OR1A1: variants seen among roughly 807,000 people sequenced by gnomAD.
The protein encoded by OR1A1 is olfactory receptor 1A1.
For synonymous variants in OR1A1, 145 were observed against 147.8 expected (o/e 0.98, Z 0.13); for missense variants, 391 against 379.9 (o/e 1.03, Z -0.24).
Position 3,216,601 on chromosome 17 carries a change from G to T in OR1A1, c.*51G>T, listed in dbSNP as rs1472561010. On this transcript the variant is annotated 3_prime_UTR_variant, in exon 4 of 4. Coordinates refer to ENST00000641732, the MANE Select transcript of OR1A1 (RefSeq NM_014565.3). ...CCGTAGTCACCAGTTACGGTATATTGGAAATCCAGTTCTGATGTCATCCTC... is the reference window on the plus strand; with the variant it reads ...CCGTAGTCACCAGTTACGGTATATTTGAAATCCAGTTCTGATGTCATCCTC... The T allele has an allele frequency of 7.1e-7, 1 of 1,405,220 alleles. No homozygotes were observed. The highest frequency in any genetic ancestry group is 9.7e-7 in the Non-Finnish European group (1 of 1,026,024). 87.0% of individuals were successfully genotyped at this position (1,405,220 alleles called of 1,614,324 possible).
chr17:3,218,046 C>G lies in OR1A1; in HGVS notation c.*1496C>G, dbSNP rs1263505965. Reference sequence around the variant, plus strand: ...TATCCATCTGACAAAGGGCTAATATCTAGAATCTACAAAGAACTTAAATTT... The same window carrying G: ...TATCCATCTGACAAAGGGCTAATATGTAGAATCTACAAAGAACTTAAATTT... On this transcript the variant is annotated 3_prime_UTR_variant, in exon 4 of 4. Coordinates refer to ENST00000641732, the MANE Select transcript of OR1A1 (RefSeq NM_014565.3). 1 of 151,936 alleles carries G rather than the reference C, an allele frequency of 6.6e-6. No individual in the cohort carries two copies. The highest frequency in any genetic ancestry group is 1.5e-5 in the Non-Finnish European group (1 of 68,018). The allele number at this position is 151,936 out of a possible 1,614,324, so 9.4% of individuals were successfully genotyped here. A position where few individuals can be genotyped will look rare whatever the true frequency, so the allele number is the denominator to read the frequency against.
rs962554298 is a variant in OR1A1 at position 3,216,228 on chromosome 17, T to C, written c.608T>C (p.Val203Ala). 6.2e-7 allele frequency: 1 copy of C among 1,614,046 alleles called. No individual in the cohort carries two copies. The highest frequency in any genetic ancestry group is 1.3e-5 in the African/African-American group (1 of 74,910). Reference sequence around the variant, plus strand: ...CATGTGAAGATGATGTACCTAGGGGTTGGCATTTTCTCTGTGCCATTACTA... The same window carrying C: ...CATGTGAAGATGATGTACCTAGGGGCTGGCATTTTCTCTGTGCCATTACTA... ...HFHVKMMYLG[V>A]GIFSVPLLCI... The change falls in exon 4 of 4, where the codon GTT becomes GCT. Residue 203 changes from valine to alanine, a missense_variant. Physicochemically the swap from Val to Ala is moderately conservative, Grantham distance 64. Transcript: ENST00000641732.
chr17:3,210,142 C>T (rs1465936791), intron 2 of OR1A1, among the ~76,000 whole-genome samples: 2 of 143,336 alleles, frequency 1.4e-5, no homozygotes, highest in South Asian at 2.3e-4. Context: ...CACATGTGCC[C>T]GTCTTCTTTT....
intron 3 of OR1A1, chr17:3,214,299 GACC>G (rs1055104321): frequency 6.6e-6 from 1 of 152,098 alleles, no homozygotes; most frequent in Non-Finnish European, 1.5e-5. Flanking sequence ...AGGAGTTTGA[GACC>G]AGCCTGGCCA....
intron 3 of OR1A1, chr17:3,214,487 C>A (rs542706435): frequency 6.7e-6 from 1 of 148,854 alleles, no homozygotes; most frequent in Non-Finnish European, 1.5e-5. Flanking sequence ...CACACCACTG[C>A]ACTCCAGCCT....
chr17:3,216,451 G>A lies in OR1A1; in HGVS notation c.831G>A (p.Thr277=), dbSNP rs144381897. 6,696 of 1,613,930 alleles carry A rather than the reference G, an allele frequency of 4.1e-3. 20 individuals are homozygous for A. Among genetic ancestry groups the A allele is most frequent in the Non-Finnish European group, 5.3e-3 (6,237 of 1,179,822 alleles). Residue 277 remains threonine, a synonymous_variant, in exon 4 of 4, where the codon ACG becomes ACA. Transcript: ENST00000641732. ...LKDAVITVMY[T]AVTPMLNPFI... The stretch of plus-strand genomic sequence containing the variant: ...ACGCAGTGATCACTGTAATGTACAC[G>A]GCAGTGACCCCAATGTTAAATCCTT...
chr17:3,215,848 A>G lies in OR1A1; in HGVS notation c.228A>G (p.Val76=). The G allele has an allele frequency of 1.9e-6, 3 of 1,614,148 alleles. No individual in the cohort carries two copies. In the African/African-American group the frequency reaches 4.0e-5, roughly 22 times the overall value. ...TGGTTGACATCTTCTTCTCATCGGTAACCATCCCTAAGATGCTGGCCAACC... is the reference window on the plus strand; with the variant it reads ...TGGTTGACATCTTCTTCTCATCGGTGACCATCCCTAAGATGCTGGCCAACC... ...LSLVDIFFSS[V]TIPKMLANHL... The change falls in exon 4 of 4, where the codon GTA becomes GTG. Residue 76 remains valine, a synonymous_variant. Transcript: ENST00000641732.
At chr17:3,209,093 G>A (rs1019601151) in intron 2 of OR1A1, 95 bp downstream of exon 2, 17 of 152,270 alleles carry the variant, frequency 1.1e-4, no homozygotes, top group African/African-American at 4.1e-4. Flanking sequence ...ACATGAGTAA[G>A]TTCTTTAGTG....
intron 3 of OR1A1, chr17:3,214,335 A>T (rs949873415): frequency 6.8e-6 from 1 of 146,180 alleles, no homozygotes; most frequent in African/African-American, 2.5e-5. Context: ...CTCCATCTCT[A>T]CTAAAAATAC....
Position 3,216,256 on chromosome 17 carries a change from C to T in OR1A1, c.636C>T (p.Cys212=). 1 of 1,614,202 alleles carries T rather than the reference C, an allele frequency of 6.2e-7. No homozygotes were observed. The highest frequency in any genetic ancestry group is 1.1e-5 in the South Asian group (1 of 91,074). Residue 212 remains cysteine (C), a synonymous_variant, in exon 4 of 4, where the codon TGC becomes TGT. Transcript: ENST00000641732. ...GVGIFSVPLL[C]IIVSYIRVFS... is the part of the protein sequence containing the mutation. The stretch of plus-strand genomic sequence containing the variant: ...GCATTTTCTCTGTGCCATTACTATG[C>T]ATCATTGTCTCCTATATTCGAGTCT...
intron 3 of OR1A1, chr17:3,213,410 C>G (rs899840401): frequency 2.0e-5 from 3 of 152,150 alleles, no homozygotes; most frequent in Non-Finnish European, 4.4e-5. Flanking sequence ...TCCCTCATAC[C>G]TAGCACATGA....
Position 3,216,322 on chromosome 17 carries a change from C to T in OR1A1, c.702C>T (p.Leu234=). The stretch of plus-strand genomic sequence containing the variant: ...AGGTTCCTTCCACCAAGGGCGTGCT[C>T]AAGGCCTTCTCCACCTGTGGTTCCC... ...VFQVPSTKGV[L]KAFSTCGSHL... The change falls in exon 4 of 4, where the codon CTC becomes CTT. Residue 234 remains leucine (L), a synonymous_variant. Coordinates refer to ENST00000641732, the MANE Select transcript of OR1A1 (RefSeq NM_014565.3). 1 of 1,614,198 alleles carries T rather than the reference C, an allele frequency of 6.2e-7. No homozygotes were observed. Among genetic ancestry groups the T allele is most frequent in the Non-Finnish European group, 8.5e-7 (1 of 1,180,026 alleles).
chr17:3,208,895 C>T lies in OR1A1; in HGVS notation c.-242C>T, dbSNP rs1465940561. The T allele has an allele frequency of 2.0e-5, 3 of 152,186 alleles. No individual in the cohort carries two copies. The highest frequency in any genetic ancestry group is 2.9e-5 in the Non-Finnish European group (2 of 68,044). The allele number at this position is 152,186 out of a possible 1,614,324, so 9.4% of individuals were successfully genotyped here. On this transcript the variant is annotated 5_prime_UTR_variant, in exon 2 of 4. Transcript: ENST00000641732. The stretch of plus-strand genomic sequence containing the variant: ...TCTCCTACCTTAAATGAAACATGAA[C>T]TTGAGCCACCCAGCTCCATCGCTGT...
chr17:3,211,315 C>G (rs1280654172), intron 2 of OR1A1, among the ~76,000 whole-genome samples: 9 of 149,636 alleles, frequency 6.0e-5, no homozygotes, highest in Non-Finnish European at 1.3e-4. Flanking sequence ...ATTGTCTTAT[C>G]TCTCCTCTTT....
Position 3,216,122 on chromosome 17 carries a change from T to C in OR1A1, c.502T>C (p.Phe168Leu). The C allele has an allele frequency of 6.2e-7, 1 of 1,614,216 alleles. No individual in the cohort carries two copies. ...CACTCTGCTCACAGCTAGTCTGTCC[T>C]TCTGTGGCAACCAGGAAGTGGCCAA... ...PHTLLTASLS[F>L]CGNQEVANFY... The change falls in exon 4 of 4, where the codon TTC (phenylalanine) becomes CTC (leucine). Residue 168 changes from phenylalanine to leucine, a missense_variant. Physicochemically the swap from Phe to Leu is conservative, Grantham distance 22. Transcript: ENST00000641732.
chr17:3,208,111 C>T (rs541990523), intron 1 of OR1A1, 111 bp downstream of exon 1: 1 of 152,084 alleles, frequency 6.6e-6, no homozygotes, highest in South Asian at 2.1e-4. Flanking sequence ...CTTGGCCTGG[C>T]TCCAGTATCC....
In OR1A1 at chr17:3,216,390, C is replaced by A. The variant is rs373533523; in HGVS notation, c.770C>A (p.Thr257Lys). ...VSLYYGTVMG[T>K]YFRPLTNYSL... ...TTGTATTATGGTACAGTCATGGGCA[C>A]GTATTTCCGCCCTTTGACCAATTAT... Residue 257 changes from threonine to lysine, a missense_variant, in exon 4 of 4, where the codon ACG becomes AAG. Transcript: ENST00000641732. 1.2e-6 allele frequency: 2 copies of A among 1,614,040 alleles called. No individual in the cohort carries two copies. The highest frequency in any genetic ancestry group is 1.7e-5 in the Admixed American group (1 of 59,996).
At position 3,216,638 on chromosome 17, in the gene OR1A1, AGT is replaced by A; in HGVS notation, c.*89_*90del. 4 of 994,722 alleles carry A rather than the reference AGT, an allele frequency of 4.0e-6. No individual in the cohort carries two copies. Among genetic ancestry groups the A allele is most frequent in the Non-Finnish European group, 5.9e-6 (4 of 677,184 alleles). The allele number at this position is 994,722 out of a possible 1,614,324, so 61.6% of individuals were successfully genotyped here. A position where few individuals can be genotyped will look rare whatever the true frequency, so the allele number is the denominator to read the frequency against. ...CTGATGTCATCCTCCTACGAGAGGC[AGT>A]CTCTGATCTTTCTAGCCTGAAATTC... On this transcript the variant is annotated 3_prime_UTR_variant, in exon 4 of 4. Coordinates refer to ENST00000641732, the MANE Select transcript of OR1A1 (RefSeq NM_014565.3).
Position 3,216,337 on chromosome 17 carries a change from C to T in OR1A1, c.717C>T (p.Thr239=). 1 of 1,614,232 alleles carries T rather than the reference C, an allele frequency of 6.2e-7. No homozygotes were observed. Among genetic ancestry groups the T allele is most frequent in the Non-Finnish European group, 8.5e-7 (1 of 1,180,038 alleles). Residue 239 remains threonine (T), a synonymous_variant, in exon 4 of 4, where the codon ACC becomes ACT. Transcript: ENST00000641732. ...AGGGCGTGCTCAAGGCCTTCTCCACCTGTGGTTCCCACCTCACGGTTGTCT... is the reference window on the plus strand; with the variant it reads ...AGGGCGTGCTCAAGGCCTTCTCCACTTGTGGTTCCCACCTCACGGTTGTCT... ...STKGVLKAFS[T]CGSHLTVVSL...
Sources: allele counts gnomAD v4.1 joint callset (sites outside exome capture counted in the v4.1 genomes callset), GRCh38; gene constraint gnomAD v4.1.1; transcripts MANE v1.5; gene names NCBI Gene and HGNC (gene_info 2026-07-23, HGNC 2026-07-21).